Variants in DAPP1 observed in about 807,000 individuals in gnomAD.
The protein encoded by DAPP1 is dual adaptor of phosphotyrosine and 3-phosphoinositides 1, also known as dual adapter for phosphotyrosine and 3-phosphotyrosine and 3-phosphoinositide.
In DAPP1, 20 loss-of-function variants were observed where a neutral mutation model predicts 41.5. The observed-to-expected ratio is 0.48, with a 90% CI of 0.34 to 0.70. DAPP1 has a LOEUF of 0.70. DAPP1 is among the 30% of genes least tolerant of loss of function. DAPP1 has a pLI of 0.01. For missense variants in DAPP1, 233 were observed against 333.4 expected (o/e 0.70, Z 2.35); for synonymous variants, 113 against 116.2 (o/e 0.97, Z 0.18).
chr4:99,821,697 C>G (rs1470830842), intron 1 of DAPP1, among the ~76,000 whole-genome samples: 4 of 152,200 alleles, frequency 2.6e-5, no homozygotes, highest in African/African-American at 7.2e-5. Flanking sequence ...CTGATGTAAC[C>G]TCCTGGTTTT....
At chr4:99,823,191 A>T (rs1463935487) in intron 1 of DAPP1, among the ~76,000 whole-genome samples, 1 of 152,206 alleles carries the variant, frequency 6.6e-6, no homozygotes, top group African/African-American at 2.4e-5. Context: ...ACGTTGTATT[A>T]AAAATGTGGC....
At chr4:99,853,536 A>G (rs1029467672) in intron 4 of DAPP1, among the ~76,000 whole-genome samples, 188 bp downstream of exon 4, 8 of 152,200 alleles carry the variant, frequency 5.3e-5, no homozygotes, top group African/African-American at 1.9e-4. Context: ...AAAAATTACA[A>G]TGCAGCCAGA....
At chr4:99,822,411 G>A (rs1287792900) in intron 1 of DAPP1, among the ~76,000 whole-genome samples, 2 of 152,158 alleles carry the variant, frequency 1.3e-5, no homozygotes, top group Admixed American at 6.5e-5. Flanking sequence ...GCTGAGGGCT[G>A]TGACAGTGTC....
At chr4:99,851,404 G>A (rs541151457) in intron 3 of DAPP1, among the ~76,000 whole-genome samples, 26 of 152,160 alleles carry the variant, frequency 1.7e-4, no homozygotes, top group African/African-American at 6.3e-4. Flanking sequence ...ACCCTCTTCT[G>A]GCTTTTCTCA....
intron 1 of DAPP1, among the ~76,000 whole-genome samples, chr4:99,822,199 A>G (rs17610991): frequency 0.037 from 5,567 of 152,256 alleles, 153 homozygotes; most frequent in Middle Eastern, 0.12. Flanking sequence ...TCTACTTACA[A>G]GTGGAAATCT....
At chr4:99,826,091 C>T (rs1722926850) in intron 1 of DAPP1, among the ~76,000 whole-genome samples, 1 of 152,142 alleles carries the variant, frequency 6.6e-6, no homozygotes, top group African/African-American at 2.4e-5. Context: ...CAGATTAAAC[C>T]TTAGAGTGTG....
intron 1 of DAPP1, among the ~76,000 whole-genome samples, chr4:99,834,404 T>TA (rs150527858): frequency 4.6e-5 from 7 of 152,092 alleles, no homozygotes; most frequent in African/African-American, 1.4e-4. Context: ...TTTTTTTTTT[T>TA]ACCATAGATA....
At chr4:99,848,027 T>C (rs1473038697) in intron 3 of DAPP1, among the ~76,000 whole-genome samples, 2 of 151,932 alleles carry the variant, frequency 1.3e-5, no homozygotes, top group Non-Finnish European at 2.9e-5. Flanking sequence ...TTGGCCAGGA[T>C]GGTCTTGATC....
chr4:99,853,122 C>A, intron 3 of DAPP1, 96 bp from the exon 4 acceptor site: 1 of 1,442,896 alleles, frequency 6.9e-7, no homozygotes, highest in Non-Finnish European at 9.4e-7. Context: ...ATGAAAAAAA[C>A]AAAAGACTTT....
Position 99,868,221 on chromosome 4 carries a change from A to G in DAPP1, c.*36A>G. ...CCAAGGAATGCTCTGGCCCAGGAGCAAGGTGGAATGTTTCCCTGACGCTGT... is the reference window on the plus strand; with the variant it reads ...CCAAGGAATGCTCTGGCCCAGGAGCGAGGTGGAATGTTTCCCTGACGCTGT... On this transcript the variant is annotated 3_prime_UTR_variant, in exon 9 of 9. Transcript: ENST00000512369. The G allele has an allele frequency of 6.4e-7, 1 of 1,569,786 alleles. No homozygotes were observed. Among genetic ancestry groups the G allele is most frequent in the Non-Finnish European group, 8.8e-7 (1 of 1,139,818 alleles).
chr4:99,867,152 A>T (rs1029782356), intron 8 of DAPP1, among the ~76,000 whole-genome samples: 2 of 152,188 alleles, frequency 1.3e-5, no homozygotes, highest in Non-Finnish European at 2.9e-5. Flanking sequence ...CTAGATACTG[A>T]GACTTTTGCT....
downstream of DAPP1, among the ~76,000 whole-genome samples, chr4:99,871,494 C>T (rs1724627118): frequency 6.6e-6 from 1 of 151,864 alleles, no homozygotes; most frequent in African/African-American, 2.4e-5. Flanking sequence ...GAAAAAAATA[C>T]AAATATCACA....
chr4:99,817,476 G>A (rs1021884309), intron 1 of DAPP1, among the ~76,000 whole-genome samples: 1 of 152,206 alleles, frequency 6.6e-6, no homozygotes, highest in Non-Finnish European at 1.5e-5. Flanking sequence ...AAAAGACAGA[G>A]AATGAGGAAG....
intron 3 of DAPP1, among the ~76,000 whole-genome samples, chr4:99,846,539 T>C (rs1021211115): frequency 6.6e-6 from 1 of 152,252 alleles, no homozygotes; most frequent in African/African-American, 2.4e-5. Context: ...TTATTATTCA[T>C]ATTTAATAAA....
chr4:99,820,560 T>A (rs1722738309), intron 1 of DAPP1, among the ~76,000 whole-genome samples: 1 of 152,264 alleles, frequency 6.6e-6, no homozygotes, highest in Admixed American at 6.5e-5. Context: ...TGCCAGTGTT[T>A]GGCTGGATTG....
intron 3 of DAPP1, among the ~76,000 whole-genome samples, chr4:99,848,657 G>T (rs905150286): frequency 4.6e-5 from 7 of 152,212 alleles, no homozygotes; most frequent in African/African-American, 1.4e-4. Flanking sequence ...TCAGTCAATT[G>T]ATGTGTCTGT....
intron 3 of DAPP1, among the ~76,000 whole-genome samples, chr4:99,848,162 T>A (rs780835533): frequency 5.2e-4 from 79 of 150,950 alleles, no homozygotes; most frequent in Non-Finnish European, 9.6e-4. Flanking sequence ...GCTAGCTGGG[T>A]TTTTTTGGTC....
intron 2 of DAPP1, among the ~76,000 whole-genome samples, chr4:99,838,270 C>T (rs1340712675): frequency 1.3e-5 from 2 of 152,086 alleles, no homozygotes; most frequent in Admixed American, 1.3e-4. Context: ...ATTTTCATTG[C>T]AAGCACTAGA....
chr4:99,825,804 A>G (rs1722918549), intron 1 of DAPP1, among the ~76,000 whole-genome samples: 1 of 152,188 alleles, frequency 6.6e-6, no homozygotes, highest in African/African-American at 2.4e-5. Context: ...TTATCAATGG[A>G]AAAATAAGCC....
Sources: gnomAD v4.1 joint callset for allele counts (sites outside exome capture counted in the v4.1 genomes callset) on GRCh38, gnomAD v4.1.1 for gene constraint, MANE v1.5 for transcripts, NCBI Gene and HGNC (gene_info 2026-07-23, HGNC 2026-07-21) for gene names.